The following PARN variants were observed in gnomAD, a reference collection of about 807,000 sequenced individuals.
PARN encodes poly(A)-specific ribonuclease, also known as poly(A)-specific ribonuclease PARN.
A neutral mutation model predicts 102.8 loss-of-function variants in PARN; 71 were observed. That is an observed-to-expected ratio of 0.69 (90% confidence interval 0.57 to 0.84). The LOEUF (loss-of-function observed/expected upper bound fraction) is 0.84, where lower values mean the gene tolerates loss of function less well. PARN is among the 40% of genes least tolerant of loss of function. PARN has a pLI of 0.00. For missense variants in PARN, 782 were observed against 760.9 expected (o/e 1.03, Z -0.33); for synonymous variants, 261 against 252.9 (o/e 1.03, Z -0.30).
At chr16:14,554,918 C>T (rs1683175840) in intron 19 of PARN, among the ~76,000 whole-genome samples, 1 of 152,114 alleles carries the variant, frequency 6.6e-6, no homozygotes. Flanking sequence ...TTTCTAATCC[C>T]AAACCTAGAA....
intron 22 of PARN, among the ~76,000 whole-genome samples, chr16:14,463,300 A>C (rs1461681801): frequency 1.3e-5 from 2 of 152,234 alleles, no homozygotes. Flanking sequence ...GAACATTTAT[A>C]GGAATACAAA....
intron 18 of PARN, among the ~76,000 whole-genome samples, chr16:14,563,528 A>ATAT: frequency 2.1e-5 from 3 of 139,890 alleles, no homozygotes; most frequent in South Asian, 2.3e-4. Context: ...GTGTGTATAT[A>ATAT]ATTCTTTTAA....
At chr16:14,515,748 C>CAAT (rs1268808427) in intron 21 of PARN, among the ~76,000 whole-genome samples, 5 of 150,594 alleles carry the variant, frequency 3.3e-5, no homozygotes, top group African/African-American at 1.2e-4. Flanking sequence ...CCAGCCTGGG[C>CAAT]AATACAGCAA....
intron 21 of PARN, among the ~76,000 whole-genome samples, chr16:14,489,630 C>G (rs778476854): frequency 6.6e-6 from 1 of 152,014 alleles, no homozygotes; most frequent in Non-Finnish European, 1.5e-5. Context: ...GGTGTAAATG[C>G]GTACTGCAAC....
At chr16:14,515,846 A>C (rs998176062) in intron 21 of PARN, among the ~76,000 whole-genome samples, 1 of 152,098 alleles carries the variant, frequency 6.6e-6, no homozygotes, top group Non-Finnish European at 1.5e-5. Flanking sequence ...AGGCTGAAGC[A>C]GGAGGATTGC....
At chr16:14,575,010 G>A (rs140206895) in intron 18 of PARN, among the ~76,000 whole-genome samples, 12 of 152,334 alleles carry the variant, frequency 7.9e-5, no homozygotes, top group African/African-American at 2.6e-4. Flanking sequence ...CTTCCATGCA[G>A]CATTGAGCCT....
intron 21 of PARN, among the ~76,000 whole-genome samples, chr16:14,526,614 C>T (rs1966023598): frequency 1.3e-5 from 2 of 152,130 alleles, no homozygotes; most frequent in African/African-American, 4.8e-5. Flanking sequence ...CCTCATCACA[C>T]AAAGGAAAAG....
chr16:14,480,940 A>AAAAAT (rs1963345103), intron 22 of PARN, among the ~76,000 whole-genome samples: 1 of 148,982 alleles, frequency 6.7e-6, no homozygotes, highest in Non-Finnish European at 1.5e-5. Flanking sequence ...CCTGCCTCAA[A>AAAAAT]AAATAAATAA....
chr16:14,598,434 G>A (rs139613378), intron 12 of PARN, among the ~76,000 whole-genome samples: 31 of 152,180 alleles, frequency 2.0e-4, no homozygotes, highest in Admixed American at 9.8e-4. Flanking sequence ...CTATCATGAC[G>A]GCTACAAAAG....
At chr16:14,614,489 G>C (rs1189111134) in intron 6 of PARN, among the ~76,000 whole-genome samples, 2 of 152,180 alleles carry the variant, frequency 1.3e-5, no homozygotes, top group African/African-American at 4.8e-5. Flanking sequence ...TGCACGCTGT[G>C]CCTACAGGAG....
chr16:14,596,602 G>A (rs949947327), intron 12 of PARN, among the ~76,000 whole-genome samples: 4 of 151,736 alleles, frequency 2.6e-5, no homozygotes, highest in East Asian at 1.9e-4. Context: ...AATTATCCAC[G>A]TGTGGTACTG....
chr16:14,454,241 G>T (rs1253364739), intron 22 of PARN, among the ~76,000 whole-genome samples: 1 of 152,144 alleles, frequency 6.6e-6, no homozygotes. Flanking sequence ...AGCACTTTGG[G>T]AGGCCAAGGT....
intron 21 of PARN, among the ~76,000 whole-genome samples, chr16:14,529,569 T>C (rs1275461220): frequency 6.6e-6 from 1 of 152,058 alleles, no homozygotes; most frequent in Admixed American, 6.5e-5. Context: ...ATGAAAGAAA[T>C]TCCTTATCAT....
At chr16:14,529,089 T>C (rs1343522262) in intron 21 of PARN, among the ~76,000 whole-genome samples, 1 of 152,160 alleles carries the variant, frequency 6.6e-6, no homozygotes, top group Admixed American at 6.5e-5. Flanking sequence ...AAGTGTCACT[T>C]CACCGTGAGT....
chr16:14,586,952 C>CA (rs1567417665), intron 13 of PARN, among the ~76,000 whole-genome samples: 1 of 152,152 alleles, frequency 6.6e-6, no homozygotes, highest in Non-Finnish European at 1.5e-5. Context: ...CTAGATTAGA[C>CA]AATTCATTTC....
At chr16:14,508,147 G>T (rs1964990550) in intron 21 of PARN, among the ~76,000 whole-genome samples, 1 of 151,736 alleles carries the variant, frequency 6.6e-6, no homozygotes, top group Non-Finnish European at 1.5e-5. Flanking sequence ...TCCTAAAGTG[G>T]CAGGTCAATA....
intron 6 of PARN, among the ~76,000 whole-genome samples, chr16:14,611,685 C>T (rs1971527015): frequency 6.6e-6 from 1 of 152,114 alleles, no homozygotes; most frequent in African/African-American, 2.4e-5. Context: ...GAATTACAAG[C>T]GTGCACCATC....
chr16:14,482,348 T>C (rs990193989), intron 22 of PARN, among the ~76,000 whole-genome samples: 1 of 151,562 alleles, frequency 6.6e-6, no homozygotes, highest in Non-Finnish European at 1.5e-5. Flanking sequence ...GCTGTGATTG[T>C]GCCACTGCAC....
intron 22 of PARN, among the ~76,000 whole-genome samples, chr16:14,474,193 T>C (rs1302488943): frequency 6.6e-6 from 1 of 151,870 alleles, no homozygotes; most frequent in East Asian, 1.9e-4. Flanking sequence ...TTTTTGGAGA[T>C]GGGGTCTTGT....
Sources: allele counts gnomAD v4.1 joint callset (sites outside exome capture counted in the v4.1 genomes callset), GRCh38; gene constraint gnomAD v4.1.1; transcripts MANE v1.5; gene names NCBI Gene and HGNC (gene_info 2026-07-23, HGNC 2026-07-21).